The following EYA1 variants were observed in gnomAD, a reference collection of about 807,000 sequenced individuals.
EYA1 encodes EYA transcriptional coactivator and phosphatase 1.
Under a neutral mutation model 82.0 loss-of-function variants are expected in EYA1, and 16 were observed. The ratio of observed to expected loss-of-function variants is 0.20; its 90% CI spans 0.13 to 0.30. The LOEUF (loss-of-function observed/expected upper bound fraction) is 0.30, where lower values mean the gene tolerates loss of function less well. Ranked by LOEUF, EYA1 falls within the 10% of genes least tolerant of loss-of-function variation. EYA1 has a pLI of 1.00. For missense variants in EYA1, 633 were observed against 730.7 expected (o/e 0.87, Z 1.54); for synonymous variants, 261 against 264.4 (o/e 0.99, Z 0.12).
At chr8:71,373,409 C>T (rs1374951143) in intron 2 of EYA1, among the ~76,000 whole-genome samples, 2 of 151,884 alleles carry the variant, frequency 1.3e-5, no homozygotes, top group Non-Finnish European at 2.9e-5. Context: ...GAATGAAATG[C>T]TTAGAAACAA....
intron 9 of EYA1, among the ~76,000 whole-genome samples, chr8:71,283,316 C>T (rs1818026457): frequency 6.6e-6 from 1 of 152,214 alleles, no homozygotes; most frequent in Non-Finnish European, 1.5e-5. Flanking sequence ...ACCCGATGGA[C>T]AACTCTTCCG....
chr8:71,321,738 T>G lies in EYA1; in HGVS notation c.414A>C (p.Ser138=). ...CTACAGTTGCAGGTTACTCACCATATGAGGAAATGCCGTACGGCTGTCCTG... is the reference window on the plus strand; with the variant it reads ...CTACAGTTGCAGGTTACTCACCATAGGAGGAAATGCCGTACGGCTGTCCTG... ...PQPGQPYGIS[S]YGALWAGIKT... is the part of the protein sequence containing the mutation. The change falls in exon 6 of 18, where the codon TCA becomes TCC. Residue 138 remains serine, a synonymous_variant. Transcript: ENST00000340726. 1 of 1,614,096 alleles carries G rather than the reference T, an allele frequency of 6.2e-7. No homozygotes were observed.
intron 7 of EYA1, among the ~76,000 whole-genome samples, chr8:71,309,473 C>T (rs759488481): frequency 1.7e-4 from 26 of 152,148 alleles, no homozygotes; most frequent in Non-Finnish European, 3.5e-4. Flanking sequence ...GCTGCAATAG[C>T]TATTCTTCAA....
chr8:71,316,308 T>A (rs568664278), intron 7 of EYA1, among the ~76,000 whole-genome samples: 87 of 152,274 alleles, frequency 5.7e-4, no homozygotes, highest in African/African-American at 2.0e-3. Flanking sequence ...TAAAGGTGTG[T>A]AGATAAGATA....
At chr8:71,403,364 C>G (rs939047897) in intron 2 of EYA1, 1 of 152,114 alleles carries the variant, frequency 6.6e-6, no homozygotes, top group African/African-American at 2.4e-5. Context: ...GTTCAAGGGG[C>G]AGTGCTGAAG....
intron 1 of EYA1, among the ~76,000 whole-genome samples, chr8:71,543,551 T>C (rs985498924): frequency 6.6e-6 from 1 of 152,222 alleles, no homozygotes; most frequent in African/African-American, 2.4e-5. Flanking sequence ...CCTTCTTCAC[T>C]GGGTATAATA....
chr8:71,403,760 C>A (rs1830076658), intron 2 of EYA1: 1 of 152,060 alleles, frequency 6.6e-6, no homozygotes, highest in African/African-American at 2.4e-5. Context: ...GATATGTACA[C>A]CATGATACCA....
intron 2 of EYA1, among the ~76,000 whole-genome samples, chr8:71,384,296 C>T (rs1315746592): frequency 6.6e-6 from 1 of 152,094 alleles, no homozygotes; most frequent in African/African-American, 2.4e-5. Context: ...TCTCTGTGTA[C>T]GTTTCTTCTT....
At chr8:71,285,805 T>A (rs1188454730) in intron 9 of EYA1, among the ~76,000 whole-genome samples, 3 of 152,224 alleles carry the variant, frequency 2.0e-5, no homozygotes. Flanking sequence ...TTTTGCAAGG[T>A]AATTTCTTCC....
At chr8:71,236,758 A>C (rs1811886512) in intron 12 of EYA1, among the ~76,000 whole-genome samples, 1 of 152,194 alleles carries the variant, frequency 6.6e-6, no homozygotes, top group Non-Finnish European at 1.5e-5. Context: ...TGTTAAATGG[A>C]ATAATGTATG....
At chr8:71,251,580 T>C (rs1813752077) in intron 11 of EYA1, among the ~76,000 whole-genome samples, 2 of 152,358 alleles carry the variant, frequency 1.3e-5, no homozygotes, top group South Asian at 4.1e-4. Flanking sequence ...AGGCAAATTA[T>C]GTCTACTAAT....
chr8:71,315,814 C>G (rs189816504), intron 7 of EYA1, among the ~76,000 whole-genome samples: 2 of 152,226 alleles, frequency 1.3e-5, no homozygotes, highest in African/African-American at 4.8e-5. Context: ...ATCCTTCTAC[C>G]AATAAATGCT....
At chr8:71,229,240 A>G (rs573099841) in intron 12 of EYA1, among the ~76,000 whole-genome samples, 6 of 151,974 alleles carry the variant, frequency 3.9e-5, no homozygotes, top group Admixed American at 2.0e-4. Context: ...GTGCTCCTCC[A>G]TTAAGTTTTT....
At chr8:71,502,240 A>G (rs1307234895) in intron 2 of EYA1, among the ~76,000 whole-genome samples, 1 of 152,256 alleles carries the variant, frequency 6.6e-6, no homozygotes, top group African/African-American at 2.4e-5. Context: ...CATGACAGAT[A>G]TGTGAGCTGT....
intron 2 of EYA1, among the ~76,000 whole-genome samples, chr8:71,369,443 C>G (rs773338331): frequency 6.6e-6 from 1 of 152,196 alleles, no homozygotes; most frequent in Non-Finnish European, 1.5e-5. Flanking sequence ...CGGGCTTTCT[C>G]TATGTCTTCT....
intron 9 of EYA1, among the ~76,000 whole-genome samples, chr8:71,295,912 AAGTAGGCATGAGTTTAAG>A (rs1393601030): frequency 6.6e-6 from 1 of 152,284 alleles, no homozygotes; most frequent in African/African-American, 2.4e-5. Context: ...GCTAGTTGAA[AAGTAGGCATGAGTTTAAG>A]AGTAGGCATG....
intron 3 of EYA1, among the ~76,000 whole-genome samples, chr8:71,353,608 A>AG (rs780329430): frequency 3.3e-4 from 50 of 152,230 alleles, no homozygotes; most frequent in Non-Finnish European, 6.5e-4. Context: ...TAAAAATCAA[A>AG]GCATCTCATA....
intron 2 of EYA1, among the ~76,000 whole-genome samples, chr8:71,431,118 A>G (rs1333273933): frequency 6.6e-6 from 1 of 152,190 alleles, no homozygotes; most frequent in Non-Finnish European, 1.5e-5. Context: ...ACTACACAAG[A>G]AATCTATTAC....
At chr8:71,515,287 C>A (rs571265757) in intron 2 of EYA1, among the ~76,000 whole-genome samples, 29 of 152,132 alleles carry the variant, frequency 1.9e-4, no homozygotes, top group African/African-American at 6.7e-4. Flanking sequence ...GTGGCAAAGC[C>A]CAAATAGGAA....
Sources: allele counts gnomAD v4.1 joint callset (sites outside exome capture counted in the v4.1 genomes callset), GRCh38; gene constraint gnomAD v4.1.1; transcripts MANE v1.5; gene names NCBI Gene and HGNC (gene_info 2026-07-23, HGNC 2026-07-21).